CFAP61: variants seen among roughly 807,000 people sequenced by gnomAD.
CFAP61 encodes cilia- and flagella-associated protein 61.
In CFAP61, 107 loss-of-function variants were observed where a neutral mutation model predicts 135.6. The ratio of observed to expected loss-of-function variants is 0.79; its 90% CI spans 0.67 to 0.93. The LOEUF is 0.93. CFAP61 is among the 40% of genes least tolerant of loss of function. CFAP61 has a pLI of 0.00. For missense variants in CFAP61, 1,507 were observed against 1,556.2 expected (o/e 0.97, Z 0.53); for synonymous variants, 575 against 578.5 (o/e 0.99, Z 0.09).
chr20:20,098,893 A>G, intron 8 of CFAP61, 79 bp downstream of exon 8: 1 of 1,272,562 alleles, frequency 7.9e-7, no homozygotes, highest in Non-Finnish European at 1.1e-6. Context: ...TAAGTGATGG[A>G]ACTAGATAGG....
chr20:20,223,299 G>A (rs2048522352), intron 17 of CFAP61, among the ~76,000 whole-genome samples: 1 of 152,110 alleles, frequency 6.6e-6, no homozygotes, highest in Admixed American at 6.6e-5. Context: ...TATACCCGAG[G>A]AAACTGATAT....
chr20:20,256,234 G>A (rs1171897063), intron 20 of CFAP61, among the ~76,000 whole-genome samples: 2 of 152,196 alleles, frequency 1.3e-5, no homozygotes, highest in African/African-American at 4.8e-5. Flanking sequence ...CAAAATCATG[G>A]AAAGTTAAGA....
chr20:20,199,703 C>T (rs960782475), intron 16 of CFAP61, 65 bp from the exon 17 acceptor site: 32 of 1,576,818 alleles, frequency 2.0e-5, no homozygotes, highest in Admixed American at 6.9e-5. Context: ...TAAAGCTGTA[C>T]GCAGACATCT....
chr20:20,283,605 G>C (rs1267419043), intron 22 of CFAP61, among the ~76,000 whole-genome samples: 1 of 152,194 alleles, frequency 6.6e-6, no homozygotes, highest in African/African-American at 2.4e-5. Context: ...TCTGCTTAGG[G>C]ACTCTTAAGG....
intron 25 of CFAP61, among the ~76,000 whole-genome samples, chr20:20,302,399 C>G (rs2122150656): frequency 6.6e-6 from 1 of 152,274 alleles, no homozygotes; most frequent in East Asian, 1.9e-4. Context: ...AGGTGGCTCA[C>G]CCATGTAATC....
chr20:20,175,003 G>A (rs6035573), intron 13 of CFAP61, among the ~76,000 whole-genome samples: 137,418 of 152,214 alleles, frequency 0.9, 62,857 homozygotes, highest in Middle Eastern at 0.99. Flanking sequence ...GCACCTGCAA[G>A]TCAGCCAGGG....
chr20:20,199,975 T>A, intron 17 of CFAP61, 73 bp downstream of exon 17: 17 of 1,535,786 alleles, frequency 1.1e-5, no homozygotes, highest in Non-Finnish European at 1.5e-5. Flanking sequence ...GTGGCAGTGC[T>A]GTCTTCACAG....
At chr20:20,138,633 C>G (rs1366381128) in intron 8 of CFAP61, among the ~76,000 whole-genome samples, 1 of 152,222 alleles carries the variant, frequency 6.6e-6, no homozygotes, top group Admixed American at 6.5e-5. Flanking sequence ...TCTTCAGTGC[C>G]TCTTTCAGTG....
chr20:20,064,577 G>A (rs2146549753), intron 2 of CFAP61, among the ~76,000 whole-genome samples: 1 of 152,244 alleles, frequency 6.6e-6, no homozygotes, highest in East Asian at 1.9e-4. Context: ...GACGGGCTGG[G>A]ATGGCACGTA....
chr20:20,066,605 C>G (rs1490867169), intron 2 of CFAP61, among the ~76,000 whole-genome samples: 1 of 147,184 alleles, frequency 6.8e-6, no homozygotes, highest in East Asian at 1.9e-4. Flanking sequence ...CATGTTCTCA[C>G]TCATAAGTGG....
At chr20:20,140,225 G>A (rs1306820782) in intron 8 of CFAP61, among the ~76,000 whole-genome samples, 2 of 148,848 alleles carry the variant, frequency 1.3e-5, no homozygotes, top group East Asian at 3.9e-4. Flanking sequence ...TAAGTTTTAG[G>A]GTACATGTGC....
chr20:20,166,329 T>C, intron 11 of CFAP61, 68 bp from the exon 12 acceptor site: 1 of 1,328,842 alleles, frequency 7.5e-7, no homozygotes, highest in Non-Finnish European at 1.1e-6. Flanking sequence ...GCTGTAAATC[T>C]CTGTAAACGT....
intron 17 of CFAP61, among the ~76,000 whole-genome samples, chr20:20,204,941 A>G (rs1400419186): frequency 6.6e-6 from 1 of 152,154 alleles, no homozygotes; most frequent in Non-Finnish European, 1.5e-5. Flanking sequence ...TTCTACTTAT[A>G]GTGAACTCTT....
At chr20:20,319,512 T>C (rs529575279) in intron 25 of CFAP61, among the ~76,000 whole-genome samples, 12 of 152,140 alleles carry the variant, frequency 7.9e-5, no homozygotes, top group Non-Finnish European at 1.6e-4. Flanking sequence ...TGAGATGTGG[T>C]TGTTTAAAAG....
At chr20:20,176,940 T>C (rs1473283718) in intron 13 of CFAP61, among the ~76,000 whole-genome samples, 1 of 152,206 alleles carries the variant, frequency 6.6e-6, no homozygotes, top group Non-Finnish European at 1.5e-5. Flanking sequence ...ATAAAACATA[T>C]AAGCCATACC....
intron 13 of CFAP61, among the ~76,000 whole-genome samples, chr20:20,183,747 C>T (rs2055292680): frequency 6.6e-6 from 1 of 151,876 alleles, no homozygotes. Context: ...TTTTTTGTAC[C>T]AAGTCCACAA....
intron 10 of CFAP61, among the ~76,000 whole-genome samples, chr20:20,163,349 C>T (rs1236092219): frequency 6.6e-6 from 1 of 152,134 alleles, no homozygotes; most frequent in East Asian, 1.9e-4. Flanking sequence ...CTGGGCTCCA[C>T]CTCCCCACGA....
chr20:20,065,125 TAACC>T (rs1014624649), intron 2 of CFAP61, among the ~76,000 whole-genome samples: 6 of 152,140 alleles, frequency 3.9e-5, no homozygotes, highest in South Asian at 2.1e-4. Flanking sequence ...AAGAAAATAA[TAACC>T]AACCTCATGT....
chr20:20,090,461 G>A (rs1050329083), intron 6 of CFAP61, among the ~76,000 whole-genome samples: 1 of 152,114 alleles, frequency 6.6e-6, no homozygotes, highest in African/African-American at 2.4e-5. Flanking sequence ...GGAGGCCGAG[G>A]CAGGCAGATC....
Sources: allele counts gnomAD v4.1 joint callset (sites outside exome capture counted in the v4.1 genomes callset), GRCh38; gene constraint gnomAD v4.1.1; transcripts MANE v1.5; gene names NCBI Gene and HGNC (gene_info 2026-07-23, HGNC 2026-07-21).